Variants in SH3YL1 observed in about 807,000 individuals in gnomAD.
The protein encoded by SH3YL1 is SH3 and SYLF domain containing 1, also known as SH3 domain-containing YSC84-like protein 1.
Under a neutral mutation model 45.8 loss-of-function variants are expected in SH3YL1, and 41 were observed. The observed-to-expected ratio is 0.89, with a 90% CI of 0.70 to 1.16. The LOEUF (loss-of-function observed/expected upper bound fraction) is 1.16, where lower values mean the gene tolerates loss of function less well. Ranked by LOEUF, SH3YL1 falls within the 50% of genes most tolerant of loss-of-function variation. SH3YL1 has a pLI of 0.00. For synonymous variants in SH3YL1, 152 were observed against 151.4 expected, an observed-to-expected ratio of 1.00 and a Z score of -0.03; for missense variants, 389 against 409.6, an observed-to-expected ratio of 0.95 and a Z score of 0.43.
chr2:228,244 A>G (rs2103022251), intron 8 of SH3YL1, among the ~76,000 whole-genome samples: 1 of 152,226 alleles, frequency 6.6e-6, no homozygotes, highest in Non-Finnish European at 1.5e-5. Context: ...CAAAATGGGG[A>G]GGGCACTGCC....
intron 4 of SH3YL1, among the ~76,000 whole-genome samples, chr2:238,304 G>T (rs937048039): frequency 5.0e-5 from 6 of 121,184 alleles, no homozygotes; most frequent in African/African-American, 1.8e-4. Context: ...TGTGTGTGTG[G>T]CATGGCCAGT....
intron 3 of SH3YL1, 137 bp from the exon 4 acceptor site, chr2:247,739 T>G (rs1384021535): frequency 1.6e-6 from 1 of 635,006 alleles, no homozygotes; most frequent in Non-Finnish European, 2.6e-6. Flanking sequence ...GATTTTAAAG[T>G]GATCTTCAAA....
chr2:235,143 C>A (rs575576082), intron 4 of SH3YL1, among the ~76,000 whole-genome samples: 106 of 152,216 alleles, frequency 7.0e-4, no homozygotes, highest in Non-Finnish European at 1.2e-3. Context: ...TCCCAAAGTG[C>A]TGGATTACAG....
In SH3YL1 at chr2:249,732, T is replaced by C. The variant is rs751086953; in HGVS notation, c.225A>G (p.Gly75=). The C allele has an allele frequency of 6.5e-7, 1 of 1,550,232 alleles. No individual in the cohort carries two copies. The highest frequency in any genetic ancestry group is 1.2e-5 in the South Asian group (1 of 84,028). Residue 75 remains glycine, a splice_region_variant and synonymous_variant, in exon 3 of 10, where the codon GGA becomes GGG. Transcript: ENST00000356150. ...TCCAGTGAACAGACGCCAACTTACT[T>C]CCATCTGGAAGGCGCGCCACTACAA... The part of the protein sequence containing the change: ...SGIVVARLPD[G]KWSAPSAIGI...
At chr2:220,421 G>A (rs1480348550) in intron 9 of SH3YL1, among the ~76,000 whole-genome samples, 11 of 151,940 alleles carry the variant, frequency 7.2e-5, no homozygotes, top group Admixed American at 5.9e-4. Context: ...ATAATAAAAA[G>A]AATTTCTGTA....
At chr2:224,698 G>C (rs1388392211) in intron 9 of SH3YL1, among the ~76,000 whole-genome samples, 166 bp downstream of exon 9, 2 of 152,176 alleles carry the variant, frequency 1.3e-5, no homozygotes, top group Non-Finnish European at 2.9e-5. Flanking sequence ...GATAACAAAA[G>C]CATAGCATTT....
At chr2:226,971 C>T (rs1166442723) in intron 8 of SH3YL1, among the ~76,000 whole-genome samples, 1 of 151,812 alleles carries the variant, frequency 6.6e-6, no homozygotes, top group African/African-American at 2.4e-5. Context: ...GTGGGTGGTA[C>T]ACATGTTGGG....
At chr2:246,068 G>A (rs755899974) in intron 4 of SH3YL1, among the ~76,000 whole-genome samples, 6 of 151,718 alleles carry the variant, frequency 4.0e-5, no homozygotes, top group Admixed American at 1.3e-4. Context: ...GGTGGTGCAC[G>A]CCTGTAGTCC....
At chr2:249,504 C>T (rs888644817) in intron 3 of SH3YL1, among the ~76,000 whole-genome samples, 1 of 152,208 alleles carries the variant, frequency 6.6e-6, no homozygotes, top group African/African-American at 2.4e-5. Context: ...GTTATATCTA[C>T]CTGTCTTGTC....
chr2:252,285 T>C (rs1015247832), intron 2 of SH3YL1, among the ~76,000 whole-genome samples: 1 of 152,178 alleles, frequency 6.6e-6, no homozygotes, highest in African/African-American at 2.4e-5. Context: ...ATGTCTTATG[T>C]GGAAGGAGGA....
intron 4 of SH3YL1, among the ~76,000 whole-genome samples, chr2:246,284 G>A (rs1429791223): frequency 6.6e-6 from 1 of 152,092 alleles, no homozygotes; most frequent in Non-Finnish European, 1.5e-5. Flanking sequence ...TGGATGAAGG[G>A]ACTACATTTT....
intron 4 of SH3YL1, among the ~76,000 whole-genome samples, chr2:244,939 A>C (rs978524460): frequency 1.3e-5 from 2 of 152,004 alleles, no homozygotes; most frequent in Admixed American, 6.5e-5. Context: ...TTCAGGAAGG[A>C]CGTGTCTACC....
At chr2:237,735 CCAAT>C (rs1213623227) in intron 4 of SH3YL1, among the ~76,000 whole-genome samples, 1 of 151,782 alleles carries the variant, frequency 6.6e-6, no homozygotes, top group Non-Finnish European at 1.5e-5. Flanking sequence ...GACAGATACC[CCAAT>C]CAGACTGATT....
At chr2:226,209 A>C (rs1301803041) in intron 8 of SH3YL1, among the ~76,000 whole-genome samples, 1 of 152,220 alleles carries the variant, frequency 6.6e-6, no homozygotes, top group Non-Finnish European at 1.5e-5. Context: ...ACTTATTTTT[A>C]GATAAAATTT....
chr2:251,218 T>C (rs1669059798), intron 2 of SH3YL1, among the ~76,000 whole-genome samples: 1 of 152,258 alleles, frequency 6.6e-6, no homozygotes, highest in South Asian at 2.1e-4. Context: ...GTACCAATTA[T>C]AGATTTAATT....
At chr2:243,655 T>C in intron 4 of SH3YL1, 2 of 1,370,686 alleles carry the variant, frequency 1.5e-6, no homozygotes, top group Non-Finnish European at 9.7e-7. Flanking sequence ...GCAACAGCCT[T>C]GCTTGGACCT....
At chr2:250,373 A>T (rs896665777) in intron 2 of SH3YL1, among the ~76,000 whole-genome samples, 19 of 152,242 alleles carry the variant, frequency 1.2e-4, no homozygotes, top group Admixed American at 2.6e-4. Flanking sequence ...TTCCAATGTT[A>T]AAACATTTTC....
In SH3YL1 at chr2:218,942, C is replaced by T. The variant is rs1558229964; in HGVS notation, c.898G>A (p.Gly300Arg). 1.2e-6 allele frequency: 2 copies of T among 1,613,952 alleles called. No individual in the cohort carries two copies. Among genetic ancestry groups the T allele is most frequent in the East Asian group, 2.2e-5 (1 of 44,856 alleles). The change falls in exon 10 of 10, where the codon GGG becomes AGG. Residue 300 changes from glycine (G) to arginine (R), a missense_variant. Coordinates refer to ENST00000356150, the MANE Select transcript of SH3YL1 (RefSeq NM_015677.4). ...TCTCCAGCTTGAAAATTCAAATCCC[C>T]AGGCTGCTGTCCTTCAAATGAATAC... is the stretch of plus-strand genomic sequence containing the variant. The part of the protein sequence containing the change: ...ALYSFEGQQP[G>R]DLNFQAGDRI...
At chr2:239,510 T>C (rs1255216514) in intron 4 of SH3YL1, 1 of 152,188 alleles carries the variant, frequency 6.6e-6, no homozygotes, top group Non-Finnish European at 1.5e-5. Flanking sequence ...GCAAGCTTTG[T>C]TGCCAGTCAC....
Sources: allele counts gnomAD v4.1 joint callset (sites outside exome capture counted in the v4.1 genomes callset), GRCh38; gene constraint gnomAD v4.1.1; transcripts MANE v1.5; gene names NCBI Gene and HGNC (gene_info 2026-07-23, HGNC 2026-07-21).